Variants in TF observed in about 807,000 individuals in gnomAD.
TF encodes the protein transferrin, also known as serotransferrin.
Under a neutral mutation model 82.4 loss-of-function variants are expected in TF, and 55 were observed. That is an observed-to-expected ratio of 0.67 (90% confidence interval 0.54 to 0.84). The LOEUF is 0.84. TF is among the 40% of genes least tolerant of loss of function. TF has a pLI of 0.00. For synonymous variants in TF, 332 were observed against 332.6 expected, an observed-to-expected ratio of 1.00 and a Z score of 0.02; for missense variants, 737 against 868.4, an observed-to-expected ratio of 0.85 and a Z score of 1.90.
chr3:133,762,461 C>A (rs569882618), intron 9 of TF: 5 of 152,078 alleles, frequency 3.3e-5, no homozygotes, highest in Admixed American at 1.3e-4. Flanking sequence ...AGAGAGAGAG[C>A]ACATTAACAT....
the TF span, among the ~76,000 whole-genome samples, chr3:133,678,674 T>A: frequency 6.6e-6 from 1 of 152,260 alleles, no homozygotes. Flanking sequence ...AAGAAGTGTC[T>A]GTTCATATCC....
the TF span, among the ~76,000 whole-genome samples, chr3:133,727,293 T>A: frequency 6.6e-6 from 1 of 151,760 alleles, no homozygotes; most frequent in Admixed American, 6.6e-5. Flanking sequence ...GGAGTCTAAG[T>A]TTCTTTGTAG....
chr3:133,762,154 G>A (rs1347736270), intron 9 of TF: 4 of 216,816 alleles, frequency 1.8e-5, no homozygotes, highest in Admixed American at 1.2e-4. Flanking sequence ...CTACAGGCAG[G>A]AGACTATGTT....
the TF span, among the ~76,000 whole-genome samples, chr3:133,665,467 CAAAAAA>C: frequency 4.8e-5 from 6 of 123,928 alleles, 1 homozygote; most frequent in African/African-American, 1.9e-4. Context: ...GACCCTATCT[CAAAAAA>C]AAAAAAAAGA....
At chr3:133,708,971 C>T in the TF span, among the ~76,000 whole-genome samples, 1 of 151,994 alleles carries the variant, frequency 6.6e-6, no homozygotes, top group Admixed American at 6.6e-5. Flanking sequence ...GAATGACTCC[C>T]ACCCATAGTG....
rs1392572646 is a variant in TF at position 133,785,733 on chromosome 3, CG to C, written c.*7116del. 1.6e-5 allele frequency: 1 copy of C among 64,228 alleles called. No individual in the cohort carries two copies. The highest frequency in any genetic ancestry group is 5.9e-5 in the African/African-American group (1 of 16,864). 4.0% of individuals were successfully genotyped at this position (64,228 alleles called of 1,614,324 possible). A position where few individuals can be genotyped will look rare whatever the true frequency, so the allele number is the denominator to read the frequency against. ...GGTGTGCCCAACAGCTCATTGAGAACGGGCCAGGATGACAATGGCGGCCTTG... is the reference window on the plus strand; with the variant it reads ...GGTGTGCCCAACAGCTCATTGAGAACGGCCAGGATGACAATGGCGGCCTTG... On this transcript the variant is annotated 3_prime_UTR_variant, in exon 17 of 17. Transcript: ENST00000402696.
At chr3:133,701,404 G>T in the TF span, among the ~76,000 whole-genome samples, 1 of 152,180 alleles carries the variant, frequency 6.6e-6, no homozygotes, top group African/African-American at 2.4e-5. Context: ...TTCTGGTCTG[G>T]CCATCTACTG....
At chr3:133,691,299 T>C in the TF span, among the ~76,000 whole-genome samples, 1 of 152,322 alleles carries the variant, frequency 6.6e-6, no homozygotes, top group Non-Finnish European at 1.5e-5. Context: ...TGACTTCTTA[T>C]GGATGGAAAT....
the TF span, among the ~76,000 whole-genome samples, chr3:133,734,913 A>T: frequency 6.6e-6 from 1 of 152,242 alleles, no homozygotes; most frequent in Non-Finnish European, 1.5e-5. Flanking sequence ...TTATTTGACA[A>T]GTATGCAACA....
chr3:133,774,964 C>T (rs979794422), intron 14 of TF: 20 of 362,032 alleles, frequency 5.5e-5, no homozygotes, highest in Non-Finnish European at 9.6e-5. Flanking sequence ...TCATTTAGAA[C>T]TGGAACAAGG....
At chr3:133,723,525 C>T in the TF span, among the ~76,000 whole-genome samples, 4 of 146,892 alleles carry the variant, frequency 2.7e-5, no homozygotes, top group Admixed American at 6.8e-5. Flanking sequence ...TAACTATCTT[C>T]AAGTTCAGAA....
chr3:133,771,157 T>C (rs1237266574), intron 14 of TF, among the ~76,000 whole-genome samples: 2 of 152,174 alleles, frequency 1.3e-5, no homozygotes, highest in Admixed American at 1.3e-4. Context: ...GAAAAATAGA[T>C]GCTGAGCCTA....
chr3:133,728,969 G>T, the TF span, among the ~76,000 whole-genome samples: 3 of 152,178 alleles, frequency 2.0e-5, no homozygotes, highest in African/African-American at 7.2e-5. Flanking sequence ...CAGAACAGCG[G>T]ATTTTTGTGA....
At chr3:133,686,595 A>G in the TF span, among the ~76,000 whole-genome samples, 1 of 152,256 alleles carries the variant, frequency 6.6e-6, no homozygotes, top group African/African-American at 2.4e-5. Context: ...GACACATGAA[A>G]AAATGCTTGT....
the TF span, among the ~76,000 whole-genome samples, chr3:133,697,905 A>G: frequency 6.6e-6 from 1 of 152,230 alleles, no homozygotes; most frequent in Non-Finnish European, 1.5e-5. Flanking sequence ...GAATAGGGAT[A>G]TAGGGTAATC....
intron 14 of TF, chr3:133,774,549 A>G (rs1416664686): frequency 2.0e-5 from 3 of 152,580 alleles, no homozygotes; most frequent in Non-Finnish European, 2.9e-5. Flanking sequence ...AAATCCATAT[A>G]CACACGTAGA....
chr3:133,772,662 C>T (rs562233688), intron 14 of TF: 1 of 152,280 alleles, frequency 6.6e-6, no homozygotes, highest in Admixed American at 6.5e-5. Flanking sequence ...CCCATCAGGC[C>T]TAGATTAAGT....
the TF span, among the ~76,000 whole-genome samples, chr3:133,717,030 T>G: frequency 6.6e-6 from 1 of 152,232 alleles, no homozygotes; most frequent in Non-Finnish European, 1.5e-5. Flanking sequence ...ATTTTCAACC[T>G]ATAAACACAC....
the TF span, among the ~76,000 whole-genome samples, chr3:133,663,351 ATT>A: frequency 7.8e-6 from 1 of 128,014 alleles, no homozygotes; most frequent in African/African-American, 3.0e-5. Context: ...AATATCATTA[ATT>A]TTTTTTTTTT....
Sources: allele counts gnomAD v4.1 joint callset (sites outside exome capture counted in the v4.1 genomes callset), GRCh38; gene constraint gnomAD v4.1.1; transcripts MANE v1.5; gene names NCBI Gene and HGNC (gene_info 2026-07-23, HGNC 2026-07-21).